DNAJC5B: variants seen among roughly 807,000 people sequenced by gnomAD.
The protein encoded by DNAJC5B is DnaJ heat shock protein family (Hsp40) member C5 beta, also known as dnaJ homolog subfamily C member 5B.
In DNAJC5B, 23 loss-of-function variants were observed where a neutral mutation model predicts 24.7. The observed-to-expected ratio is 0.93, with a 90% CI of 0.67 to 1.32. The LOEUF (loss-of-function observed/expected upper bound fraction) is 1.32, where lower values mean the gene tolerates loss of function less well. DNAJC5B is among the 40% of genes most tolerant of loss of function. DNAJC5B has a pLI of 0.00. For synonymous variants in DNAJC5B, 101 were observed against 90.1 expected, an observed-to-expected ratio of 1.12 and a Z score of -0.68; for missense variants, 238 against 240.8, an observed-to-expected ratio of 0.99 and a Z score of 0.08.
chr8:66,044,823 T>A (rs1478580055), intron 2 of DNAJC5B, among the ~76,000 whole-genome samples: 1 of 152,174 alleles, frequency 6.6e-6, no homozygotes, highest in Non-Finnish European at 1.5e-5. Flanking sequence ...GCCTGATAGA[T>A]GAGGGACTAT....
At chr8:66,065,477 C>T (rs906197950) in intron 3 of DNAJC5B, among the ~76,000 whole-genome samples, 1 of 152,100 alleles carries the variant, frequency 6.6e-6, no homozygotes, top group Non-Finnish European at 1.5e-5. Flanking sequence ...AAATGGTGCC[C>T]CGAGCTTTCT....
intron 3 of DNAJC5B, among the ~76,000 whole-genome samples, chr8:66,060,867 T>C (rs1048383010): frequency 8.5e-5 from 13 of 152,252 alleles, no homozygotes; most frequent in African/African-American, 3.1e-4. Context: ...CTAGGTAAAA[T>C]AGCAGTGAAC....
intron 1 of DNAJC5B, among the ~76,000 whole-genome samples, chr8:66,041,237 C>G (rs559519790): frequency 4.2e-4 from 64 of 152,076 alleles, no homozygotes; most frequent in Non-Finnish European, 8.7e-4. Context: ...AACAATAATG[C>G]CTTTGTTCAT....
chr8:66,039,613 G>C (rs1806564803), intron 1 of DNAJC5B, among the ~76,000 whole-genome samples: 1 of 152,128 alleles, frequency 6.6e-6, no homozygotes, highest in Non-Finnish European at 1.5e-5. Flanking sequence ...GCCTCCCAAA[G>C]TGCTGGGATT....
rs367649602 is a variant in DNAJC5B, at chr8:66,093,690, A to G, written c.506-6247A>G. 5.9e-5 allele frequency among the ~76,000 whole-genome samples: 9 copies of G among 152,164 alleles called. No individual in the cohort carries two copies. The East Asian group carries it at 1.5e-3, about 26-fold the overall frequency. On this transcript the variant is annotated intron_variant, in intron 5 of 5. Transcript: ENST00000276570. The stretch of plus-strand genomic sequence containing the variant: ...TTTGTGATTTGGTGTTTTACTCTTT[A>G]TGGCATTTTTTGATGAATCAAAGTT...
intron 1 of DNAJC5B, among the ~76,000 whole-genome samples, chr8:66,038,973 T>C (rs760860716): frequency 6.6e-6 from 1 of 152,248 alleles, no homozygotes. Flanking sequence ...AAAAGTTTAC[T>C]TAACCAAAGG....
chr8:66,088,454 G>A (rs1395143241), intron 5 of DNAJC5B, among the ~76,000 whole-genome samples: 2 of 152,078 alleles, frequency 1.3e-5, no homozygotes, highest in Non-Finnish European at 2.9e-5. Flanking sequence ...CGTTACTTAT[G>A]CAAATTTCTG....
chr8:66,052,352 C>T (rs973119073), intron 3 of DNAJC5B, among the ~76,000 whole-genome samples: 6 of 152,116 alleles, frequency 3.9e-5, no homozygotes, highest in Non-Finnish European at 8.8e-5. Context: ...TATTTGTAAG[C>T]TATACTTCTC....
chr8:66,055,741 G>T (rs1806948129), intron 3 of DNAJC5B, among the ~76,000 whole-genome samples: 1 of 152,228 alleles, frequency 6.6e-6, no homozygotes, highest in Middle Eastern at 3.4e-3. Flanking sequence ...TCAGGAGTTT[G>T]AGACCAGCCT....
intron 1 of DNAJC5B, among the ~76,000 whole-genome samples, chr8:66,026,727 T>C (rs1806252483): frequency 6.6e-6 from 1 of 152,238 alleles, no homozygotes; most frequent in Non-Finnish European, 1.5e-5. Context: ...CCACCAGGGC[T>C]GAGAAGGAGC....
rs145748784 is a variant in DNAJC5B, at chr8:66,098,894, A to G, written c.506-1043A>G. The stretch of plus-strand genomic sequence containing the variant: ...TATTCTGTGTCTGATAAAAGCAGTT[A>G]TTGAAGTCTTTCTGGGTCTGATTTA... On this transcript the variant is annotated intron_variant, in intron 5 of 5. Coordinates refer to ENST00000276570, the MANE Select transcript of DNAJC5B (RefSeq NM_033105.6). 2.3e-3 allele frequency among the ~76,000 whole-genome samples: 354 copies of G among 152,240 alleles called. 3 individuals carry two copies. Among genetic ancestry groups the G allele is most frequent in the African/African-American group, 8.2e-3 (341 of 41,566 alleles).
At chr8:66,053,795 A>G (rs1473979653) in intron 3 of DNAJC5B, among the ~76,000 whole-genome samples, 2 of 151,968 alleles carry the variant, frequency 1.3e-5, no homozygotes, top group African/African-American at 2.4e-5. Context: ...ATGCCCGGCT[A>G]ATTTTGTATT....
chr8:66,036,793 T>C (rs1009590344), intron 1 of DNAJC5B, among the ~76,000 whole-genome samples: 1 of 152,250 alleles, frequency 6.6e-6, no homozygotes, highest in Admixed American at 6.5e-5. Flanking sequence ...GAATTGAATA[T>C]GTATTCATTT....
intron 1 of DNAJC5B, among the ~76,000 whole-genome samples, chr8:66,022,959 C>T (rs1586056148): frequency 6.6e-6 from 1 of 152,194 alleles, no homozygotes; most frequent in African/African-American, 2.4e-5. Flanking sequence ...ATAATACCCA[C>T]AAAACACAGA....
At chr8:66,032,988 C>T (rs555377996) in intron 1 of DNAJC5B, among the ~76,000 whole-genome samples, 25 of 152,238 alleles carry the variant, frequency 1.6e-4, no homozygotes, top group Admixed American at 3.3e-4. Context: ...CAGTTAGCTT[C>T]GCCCACAGCA....
chr8:66,100,192 T>C lies in DNAJC5B; in HGVS notation c.*161T>C. On this transcript the variant is annotated 3_prime_UTR_variant, in exon 6 of 6. Transcript: ENST00000276570. ...TGATTGCTATATAATTTTCTCAGTA[T>C]GCAGACTTTCTCTCTGAGTAGAATT... 1.7e-6 allele frequency: 1 copy of C among 587,514 alleles called. No individual in the cohort carries two copies. Among genetic ancestry groups the C allele is most frequent in the Non-Finnish European group, 2.9e-6 (1 of 341,126 alleles). 36.4% of individuals were successfully genotyped at this position (587,514 alleles called of 1,614,324 possible).
At chr8:66,084,062 A>G (rs1169758575) in intron 5 of DNAJC5B, among the ~76,000 whole-genome samples, 1 of 152,120 alleles carries the variant, frequency 6.6e-6, no homozygotes, top group South Asian at 2.1e-4. Context: ...TCTTGGATCT[A>G]CCCTCTCCTT....
chr8:66,081,814 T>G (rs1231321581), intron 5 of DNAJC5B, among the ~76,000 whole-genome samples: 1 of 152,154 alleles, frequency 6.6e-6, no homozygotes, highest in Non-Finnish European at 1.5e-5. Flanking sequence ...AGAGGGGTTG[T>G]TCTGACCATT....
chr8:66,040,501 T>G (rs1284221080), intron 1 of DNAJC5B, among the ~76,000 whole-genome samples: 1 of 152,232 alleles, frequency 6.6e-6, no homozygotes, highest in Non-Finnish European at 1.5e-5. Flanking sequence ...TGCCATTATC[T>G]TCAGTAAATG....
Sources: allele counts gnomAD v4.1 joint callset (sites outside exome capture counted in the v4.1 genomes callset), GRCh38; gene constraint gnomAD v4.1.1; transcripts MANE v1.5; gene names NCBI Gene and HGNC (gene_info 2026-07-23, HGNC 2026-07-21).